The following POLN variants were observed in gnomAD, a reference collection of about 807,000 sequenced individuals.
POLN encodes the protein DNA polymerase nu, also known as DNA polymerase N.
In POLN, 108 loss-of-function variants were observed where a neutral mutation model predicts 113.5. The ratio of observed to expected loss-of-function variants is 0.95; its 90% CI spans 0.81 to 1.12. The LOEUF is 1.12. Ranked by LOEUF, POLN falls within the 50% of genes most tolerant of loss-of-function variation. The pLI is 0.00. For missense variants in POLN, 1,097 were observed against 1,077.1 expected, an observed-to-expected ratio of 1.02 and a Z score of -0.26; for synonymous variants, 386 against 391.5, an observed-to-expected ratio of 0.99 and a Z score of 0.17.
intron 25 of POLN, among the ~76,000 whole-genome samples, chr4:2,072,542 T>TGCCAG (rs1730174532): frequency 6.6e-6 from 1 of 152,226 alleles, no homozygotes; most frequent in Non-Finnish European, 1.5e-5. Context: ...TTCCCCCACC[T>TGCCAG]GCCAGGGCCT....
intron 4 of POLN, among the ~76,000 whole-genome samples, chr4:2,209,944 G>A (rs1468902754): frequency 2.0e-5 from 3 of 149,438 alleles, no homozygotes; most frequent in Non-Finnish European, 4.4e-5. Flanking sequence ...TTACAGGTGT[G>A]AGCCAACATA....
chr4:2,186,483 T>C (rs114268272), intron 7 of POLN, among the ~76,000 whole-genome samples: 1,728 of 152,228 alleles, frequency 0.011, 24 homozygotes, highest in Middle Eastern at 0.024. Flanking sequence ...GGGACTTTCC[T>C]CATCAGGGAT....
chr4:2,104,093 C>T (rs1051524638), intron 19 of POLN, among the ~76,000 whole-genome samples: 2 of 152,160 alleles, frequency 1.3e-5, no homozygotes, highest in Non-Finnish European at 2.9e-5. Flanking sequence ...AGCACCACTA[C>T]AGAATTTCAC....
chr4:2,194,926 G>GTA (rs1733538268), intron 6 of POLN, among the ~76,000 whole-genome samples: 1 of 151,838 alleles, frequency 6.6e-6, no homozygotes, highest in South Asian at 2.1e-4. Flanking sequence ...TTATGTATAT[G>GTA]TATATACATG....
chr4:2,075,897 C>T (rs1730263301), intron 23 of POLN, among the ~76,000 whole-genome samples: 1 of 152,184 alleles, frequency 6.6e-6, no homozygotes, highest in South Asian at 2.1e-4. Context: ...CCAGGTTGGT[C>T]CCGTCTGAAG....
intron 3 of POLN, among the ~76,000 whole-genome samples, chr4:2,215,181 T>C (rs1240009550): frequency 6.6e-6 from 1 of 152,014 alleles, no homozygotes; most frequent in East Asian, 1.9e-4. Context: ...TTACATAATA[T>C]CCACATCATG....
intron 20 of POLN, among the ~76,000 whole-genome samples, chr4:2,091,361 A>G (rs545331212): frequency 1.7e-4 from 26 of 152,266 alleles, no homozygotes; most frequent in Non-Finnish European, 3.4e-4. Context: ...CCCATCCACA[A>G]GAGAGCGGAC....
chr4:2,130,898 A>T (rs1474976931), intron 17 of POLN, among the ~76,000 whole-genome samples: 1 of 152,168 alleles, frequency 6.6e-6, no homozygotes, highest in East Asian at 1.9e-4. Context: ...AATGTTAAAA[A>T]GGGCACACTG....
At chr4:2,158,833 G>A (rs1487740126) in intron 14 of POLN, among the ~76,000 whole-genome samples, 1 of 152,192 alleles carries the variant, frequency 6.6e-6, no homozygotes, top group Admixed American at 6.5e-5. Flanking sequence ...GGGGTTGTGG[G>A]AGGCTTTGAG....
At chr4:2,204,189 C>A (rs1465694941) in intron 5 of POLN, among the ~76,000 whole-genome samples, 2 of 147,312 alleles carry the variant, frequency 1.4e-5, no homozygotes, top group African/African-American at 2.5e-5. Context: ...ATTGATAGAC[C>A]ATTACCAAGA....
At chr4:2,120,870 G>A (rs896209594) in intron 19 of POLN, among the ~76,000 whole-genome samples, 8 of 152,152 alleles carry the variant, frequency 5.3e-5, no homozygotes, top group African/African-American at 1.9e-4. Flanking sequence ...TTATATAAAT[G>A]TGACCAATTT....
At chr4:2,131,624 T>C (rs1731730212) in intron 16 of POLN, among the ~76,000 whole-genome samples, 1 of 152,200 alleles carries the variant, frequency 6.6e-6, no homozygotes. Context: ...TAATGGTAGA[T>C]TTATGTGAAA....
Position 2,242,092 on chromosome 4 carries a change from C to G in POLN, c.-325G>C. ...TGCTTCTCGCAGGAGCCCGCCGCCA[C>G]CGCCCTCCGTGCCCCGCGCGCCTCG... On this transcript the variant is annotated 5_prime_UTR_variant, in exon 1 of 26. Transcript: ENST00000511885. 1 of 985,926 alleles carries G rather than the reference C, an allele frequency of 1.0e-6. No individual in the cohort carries two copies. 61.1% of individuals were successfully genotyped at this position (985,926 alleles called of 1,614,324 possible).
At chr4:2,080,218 C>T (rs1730372924) in intron 23 of POLN, 5 of 988,080 alleles carry the variant, frequency 5.1e-6, no homozygotes, top group Non-Finnish European at 6.0e-6. Context: ...TGCAGCACCC[C>T]CAGGCCTTGG....
intron 19 of POLN, among the ~76,000 whole-genome samples, chr4:2,104,982 C>G (rs1318024574): frequency 2.0e-5 from 3 of 152,212 alleles, no homozygotes; most frequent in South Asian, 4.1e-4. Flanking sequence ...ACATGCAGCC[C>G]AAGAGCAATC....
In POLN at chr4:2,127,255, G is replaced by T. The variant is rs535607606; in HGVS notation, c.1982+858C>A. 6.6e-6 allele frequency among the ~76,000 whole-genome samples: 1 copy of T among 151,954 alleles called. No homozygotes were observed. Among genetic ancestry groups the T allele is most frequent in the African/African-American group, 2.4e-5 (1 of 41,326 alleles). ...GAGGGGACAGTGACTCAGACACACG[G>T]ACCTTCCAACAGCCAGCACACACTT... On this transcript the variant is annotated intron_variant, in intron 19 of 25. Transcript: ENST00000511885. This position sits in a 1 kb window ranked among gnomAD's most constrained non-coding sequence, Gnocchi z 4.7.
chr4:2,172,163 A>G (rs1365263718), intron 11 of POLN, among the ~76,000 whole-genome samples: 1 of 152,250 alleles, frequency 6.6e-6, no homozygotes, highest in African/African-American at 2.4e-5. Flanking sequence ...ACTCTGGTCC[A>G]GAGCTCTAAA....
chr4:2,179,350 A>G lies in POLN; in HGVS notation c.1137T>C (p.Val379=). 1.2e-6 allele frequency: 2 copies of G among 1,613,336 alleles called. No individual in the cohort carries two copies. Among genetic ancestry groups the G allele is most frequent in the Non-Finnish European group, 1.7e-6 (2 of 1,179,360 alleles). ...VEKYCEKSIT[V]KVNSTYGNSS... is the part of the protein sequence containing the mutation. ...AATTTCCATATGTGCTGTTCACTTT[A>G]ACTGTAATGGATTTTTCACAGTATT... Residue 379 remains valine, a synonymous_variant, in exon 8 of 26, where the codon GTT becomes GTC. Transcript: ENST00000511885.
chr4:2,105,116 G>A (rs1248391933), intron 19 of POLN, among the ~76,000 whole-genome samples: 1 of 152,048 alleles, frequency 6.6e-6, no homozygotes, highest in Non-Finnish European at 1.5e-5. Context: ...ACAAATTTGC[G>A]ACTGAACTCT....
Sources: allele counts gnomAD v4.1 joint callset (sites outside exome capture counted in the v4.1 genomes callset), GRCh38; gene constraint gnomAD v4.1.1; non-coding constraint Gnocchi (gnomAD v3.1); transcripts MANE v1.5; gene names NCBI Gene and HGNC (gene_info 2026-07-23, HGNC 2026-07-21).